PTPRO: variants seen among roughly 807,000 people sequenced by gnomAD.
PTPRO encodes receptor-type tyrosine-protein phosphatase O.
Under a neutral mutation model 145.2 loss-of-function variants are expected in PTPRO, and 62 were observed. The observed-to-expected ratio is 0.43, with a 90% CI of 0.35 to 0.53. The LOEUF is 0.53. Ranked by LOEUF, PTPRO falls within the 20% of genes least tolerant of loss-of-function variation. The pLI is 0.01. For synonymous variants in PTPRO, 565 were observed against 514.7 expected (o/e 1.10, Z -1.32); for missense variants, 1,345 against 1,482.7 (o/e 0.91, Z 1.53).
chr12:15,378,397 A>C (rs1295081423), intron 1 of PTPRO, among the ~76,000 whole-genome samples: 1 of 152,052 alleles, frequency 6.6e-6, no homozygotes, highest in Admixed American at 6.6e-5. Flanking sequence ...ATATTCTTAT[A>C]AGAAAATACA....
At chr12:15,327,713 ACAAGGTTAAT>A (rs1462463364) in intron 1 of PTPRO, among the ~76,000 whole-genome samples, 1 of 152,166 alleles carries the variant, frequency 6.6e-6, no homozygotes, top group Non-Finnish European at 1.5e-5. Context: ...AGGAACCCAA[ACAAGGTTAAT>A]GTGGCTCAAG....
At chr12:15,387,106 C>T (rs1252694348) in intron 1 of PTPRO, among the ~76,000 whole-genome samples, 2 of 152,076 alleles carry the variant, frequency 1.3e-5, no homozygotes. Flanking sequence ...ACATGAGCAA[C>T]CTCAAGAAAA....
At chr12:15,456,418 G>A (rs916639198) in intron 1 of PTPRO, among the ~76,000 whole-genome samples, 2 of 152,044 alleles carry the variant, frequency 1.3e-5, no homozygotes, top group African/African-American at 2.4e-5. Context: ...CAGGGTTATT[G>A]GCCTGTAGTT....
chr12:15,407,754 T>A (rs1240520101), intron 1 of PTPRO, among the ~76,000 whole-genome samples: 1 of 152,176 alleles, frequency 6.6e-6, no homozygotes, highest in Non-Finnish European at 1.5e-5. Flanking sequence ...AAGGGGAAAA[T>A]GAAAACTAGA....
At chr12:15,342,627 G>C (rs1363518201) in intron 1 of PTPRO, among the ~76,000 whole-genome samples, 2 of 152,164 alleles carry the variant, frequency 1.3e-5, no homozygotes, top group African/African-American at 4.8e-5. Flanking sequence ...GTGTTGCTCA[G>C]TGCCCAGTGG....
intron 1 of PTPRO, among the ~76,000 whole-genome samples, chr12:15,353,963 C>T (rs2136234309): frequency 6.6e-6 from 1 of 152,290 alleles, no homozygotes; most frequent in African/African-American, 2.4e-5. Flanking sequence ...TGCAGCTGAT[C>T]TGGGCTCACT....
intron 12 of PTPRO, among the ~76,000 whole-genome samples, chr12:15,527,555 CAGCACCATACTGT>C (rs138360998): frequency 0.012 from 1,789 of 152,304 alleles, 32 homozygotes; most frequent in African/African-American, 0.04. Flanking sequence ...GGCTGTTCAG[CAGCACCATACTGT>C]AGGAGGTACA....
intron 12 of PTPRO, among the ~76,000 whole-genome samples, chr12:15,542,291 C>T (rs1331214343): frequency 6.6e-6 from 1 of 152,154 alleles, no homozygotes; most frequent in Admixed American, 6.5e-5. Flanking sequence ...GAAGAATTAT[C>T]TTGGGCCACA....
intron 12 of PTPRO, among the ~76,000 whole-genome samples, chr12:15,526,877 A>G (rs949854045): frequency 6.6e-6 from 1 of 152,120 alleles, no homozygotes; most frequent in African/African-American, 2.4e-5. Context: ...AGAAGTATAA[A>G]AATAAGCAAA....
At chr12:15,434,373 G>C (rs1467120255) in intron 1 of PTPRO, among the ~76,000 whole-genome samples, 1 of 152,070 alleles carries the variant, frequency 6.6e-6, no homozygotes, top group Non-Finnish European at 1.5e-5. Context: ...AAACTCATTT[G>C]GGTGGCATGT....
intron 1 of PTPRO, among the ~76,000 whole-genome samples, chr12:15,350,248 G>C (rs1389821437): frequency 1.3e-5 from 2 of 152,184 alleles, no homozygotes; most frequent in Non-Finnish European, 2.9e-5. Flanking sequence ...CTGACTACCA[G>C]ACTGGGGGTG....
intron 1 of PTPRO, among the ~76,000 whole-genome samples, chr12:15,454,751 T>A (rs977414799): frequency 6.6e-6 from 1 of 152,180 alleles, no homozygotes; most frequent in Non-Finnish European, 1.5e-5. Context: ...TTTGAAATAA[T>A]TTTTATGTAG....
intron 1 of PTPRO, chr12:15,440,038 CAAGATCTG>C (rs1311076805): frequency 4.6e-6 from 3 of 653,812 alleles, no homozygotes; most frequent in Admixed American, 2.2e-5. Context: ...ACAGGGGTAA[CAAGATCTG>C]CAAGCCCCAC....
intron 1 of PTPRO, among the ~76,000 whole-genome samples, chr12:15,444,415 T>C (rs1449123863): frequency 6.6e-6 from 1 of 152,090 alleles, no homozygotes; most frequent in Admixed American, 6.6e-5. Context: ...TGGGATCATT[T>C]GTATCCCAAA....
Position 15,501,569 on chromosome 12 carries a change from A to C in PTPRO, c.662-51A>C, listed in dbSNP as rs1159591887. The C allele has an allele frequency of 4.7e-6, 7 of 1,487,590 alleles. No individual in the cohort carries two copies. The African/African-American group carries it at 8.3e-5, about 18-fold the overall frequency. The allele number at this position is 1,487,590 out of a possible 1,614,324, so 92.1% of individuals were successfully genotyped here. On this transcript the variant is annotated intron_variant, in intron 4 of 26. Transcript: ENST00000281171. Reference sequence around the variant, plus strand: ...TGACTCATTAAGAGATTAAGTATTCACTCTAATTGAATTAAAAAATACTTG... The same window carrying C: ...TGACTCATTAAGAGATTAAGTATTCCCTCTAATTGAATTAAAAAATACTTG...
At chr12:15,517,196 AG>A in intron 9 of PTPRO, 1 of 559,262 alleles carries the variant, frequency 1.8e-6, no homozygotes, top group Non-Finnish European at 3.2e-6. Flanking sequence ...TCATGACAGA[AG>A]GCAAGGAGGA....
intron 1 of PTPRO, among the ~76,000 whole-genome samples, chr12:15,393,184 T>C (rs1480694590): frequency 6.6e-6 from 1 of 152,134 alleles, no homozygotes; most frequent in South Asian, 2.1e-4. Flanking sequence ...GATGAACCTA[T>C]AGTGTAATGA....
intron 15 of PTPRO, among the ~76,000 whole-genome samples, chr12:15,552,737 T>A (rs1943498234): frequency 6.7e-6 from 1 of 150,180 alleles, no homozygotes; most frequent in African/African-American, 2.4e-5. Flanking sequence ...AGAAGAGATG[T>A]GGGATTGCAC....
chr12:15,371,873 C>T (rs1938541685), intron 1 of PTPRO, among the ~76,000 whole-genome samples: 1 of 152,246 alleles, frequency 6.6e-6, no homozygotes, highest in East Asian at 1.9e-4. Context: ...ACTTCTCCTC[C>T]TGGCCGCCTT....
Sources: allele counts gnomAD v4.1 joint callset (sites outside exome capture counted in the v4.1 genomes callset), GRCh38; gene constraint gnomAD v4.1.1; transcripts MANE v1.5; gene names NCBI Gene and HGNC (gene_info 2026-07-23, HGNC 2026-07-21).